Variants in MUC5AC observed in about 807,000 individuals in gnomAD.
The protein encoded by MUC5AC is mucin-5AC.
A neutral mutation model predicts 169.7 loss-of-function variants in MUC5AC; 158 were observed. The ratio of observed to expected loss-of-function variants is 0.93; its 90% confidence interval spans 0.82 to 1.06. The LOEUF (loss-of-function observed/expected upper bound fraction) is 1.06. MUC5AC is among the 50% of genes least tolerant of loss of function. The pLI, the probability that MUC5AC is intolerant of heterozygous loss-of-function variation, is 0.00. For missense variants in MUC5AC, 4,359 were observed against 3,089.9 expected (o/e 1.41, Z -9.74); for synonymous variants, 1,975 against 1,237.0 (o/e 1.60, Z -12.52).
chr11:1,190,318 C>T lies in MUC5AC; in HGVS notation c.12173C>T (p.Pro4058Leu). Residue 4058 changes from proline (P) to leucine (L), a missense_variant, in exon 31 of 49, where the codon CCC becomes CTC. Physicochemically the swap from Pro to Leu is moderately conservative, Grantham distance 98. Transcript: ENST00000621226. Reference sequence around the variant, plus strand: ...TGCTGCGAGACCCCCAAAGGCTGCCCCGTGACCTCCACACCTGTGACAGCT... The same window carrying T: ...TGCTGCGAGACCCCCAAAGGCTGCCTCGTGACCTCCACACCTGTGACAGCT... ...VLCCETPKGC[P>L]VTSTPVTAPS... The T allele has an allele frequency of 4.4e-6, 3 of 674,936 alleles. No homozygotes were observed. Among genetic ancestry groups the T allele is most frequent in the East Asian group, 2.6e-5 (1 of 38,572 alleles). 41.8% of individuals were successfully genotyped at this position (674,936 alleles called of 1,614,324 possible).
At chr11:1,175,485 ACATGCTCACACACCCACTCATG>A (rs1860647051) in intron 19 of MUC5AC, among the ~76,000 whole-genome samples, 1 of 106,042 alleles carries the variant, frequency 9.4e-6, no homozygotes, top group African/African-American at 3.3e-5. Context: ...CCACTCATGC[ACATGCTCACACACCCACTCATG>A]CACACGCTGA....
rs1213870307 is a variant in MUC5AC at position 1,168,761 on chromosome 11, C to A, written c.1687C>A (p.Leu563Ile). The A allele has an allele frequency of 6.2e-7, 1 of 1,604,438 alleles. No homozygotes were observed. Reference sequence around the variant, plus strand: ...GCTGTTCATGCAGCTGGCGCCCAAGCTCCGTGGGCAGACCTGCGGTAAGAG... The same window carrying A: ...GCTGTTCATGCAGCTGGCGCCCAAGATCCGTGGGCAGACCTGCGGTAAGAG... ...MQLFMQLAPK[L>I]RGQTCGLCGN... The change falls in exon 14 of 49, where the codon CTC (leucine) becomes ATC (isoleucine). Residue 563 changes from leucine to isoleucine, a missense_variant. Transcript: ENST00000621226.
rs1168258167 is a variant in MUC5AC at position 1,191,222 on chromosome 11, C to A, written c.13077C>A (p.Thr4359=). The A allele has an allele frequency of 1.4e-6, 1 of 710,640 alleles. No individual in the cohort carries two copies. The highest frequency in any genetic ancestry group is 2.2e-5 in the African/African-American group (1 of 45,668). The allele number at this position is 710,640 out of a possible 1,614,324, so 44.0% of individuals were successfully genotyped here. The part of the protein sequence containing the change: ...PTTSTTSAPT[T]STTSASTAST... Reference sequence around the variant, plus strand: ...CCAGCACAACCTCTGCTCCTACAACCAGCACAACCTCTGCCTCTACAGCCA... The same window carrying A: ...CCAGCACAACCTCTGCTCCTACAACAAGCACAACCTCTGCCTCTACAGCCA... Residue 4359 remains threonine (T), a synonymous_variant, in exon 31 of 49, where the codon ACC becomes ACA. Transcript: ENST00000621226.
chr11:1,197,882 G>C (rs758289817), intron 41 of MUC5AC, 21 bp from the exon 42 acceptor site: 13 of 702,554 alleles, frequency 1.9e-5, no homozygotes, highest in South Asian at 1.8e-4. Context: ...ACTCCTAATT[G>C]CCTCACTCCC....
At chr11:1,195,811 C>A in intron 36 of MUC5AC, 65 bp from the exon 37 acceptor site, 1 of 728,196 alleles carries the variant, frequency 1.4e-6, no homozygotes, top group South Asian at 1.5e-5. Flanking sequence ...AGCCTGGGAG[C>A]CTGACGTGGA....
rs1860144797 is a variant in MUC5AC at position 1,161,709 on chromosome 11, G to GGAGC, written c.211+124_211+127dup. The GGAGC allele has an allele frequency of 6.9e-6, 9 of 1,295,430 alleles. 1 individual carries two copies. The Middle Eastern group carries it at 8.0e-4, about 115-fold the overall frequency. 80.2% of individuals were successfully genotyped at this position (1,295,430 alleles called of 1,614,324 possible). On this transcript the variant is annotated intron_variant, in intron 3 of 48. Transcript: ENST00000621226. ...TCCGGGTGAACACTGGGTGGGTATT[G>GGAGC]GAGCCAGAGGGCCCAGCATCTCCCT... is the stretch of plus-strand genomic sequence containing the variant.
Position 1,177,334 on chromosome 11 carries a change from T to G in MUC5AC, c.2897T>G (p.Ile966Ser). 2.2e-6 allele frequency: 1 copy of G among 454,608 alleles called. No homozygotes were observed. The allele number at this position is 454,608 out of a possible 1,614,324, so 28.2% of individuals were successfully genotyped here. Residue 966 changes from isoleucine (I) to serine (S), a missense_variant, in exon 23 of 49, where the codon ATT (isoleucine) becomes AGT (serine). By Grantham distance (142) the Ile-to-Ser change is moderately radical. Coordinates refer to ENST00000621226, the MANE Select transcript of MUC5AC (RefSeq NM_001304359.2). ...ACCACCTGCTCCAAGGCCATCAAGA[T>G]TTTCCTGGGGGTGAGCGAGGCTGGG... is the stretch of plus-strand genomic sequence containing the variant. ...TGTTCSKAIKIFLGGFELKLS... is the reference protein window; with the variant it reads ...TGTTCSKAIKSFLGGFELKLS...
Position 1,192,787 on chromosome 11 carries a change from C to T in MUC5AC, c.14385C>T (p.Ser4795=), listed in dbSNP as rs1861157369. Residue 4795 remains serine (S), a synonymous_variant, in exon 32 of 49, where the codon TCC becomes TCT. Coordinates refer to ENST00000621226, the MANE Select transcript of MUC5AC (RefSeq NM_001304359.2). ...NVADRLYPAG[S]TIYRHRDLAG... ...CCATGTCCCTTCCTCTTACAGGATC[C>T]ACCATATACCGCCACAGAGACCTCG... 1.3e-6 allele frequency: 1 copy of T among 755,962 alleles called. No individual in the cohort carries two copies. The highest frequency in any genetic ancestry group is 2.4e-5 in the East Asian group (1 of 40,962). The allele number at this position is 755,962 out of a possible 1,614,324, so 46.8% of individuals were successfully genotyped here. A position where few individuals can be genotyped will look rare whatever the true frequency, so the allele number is the denominator to read the frequency against.
chr11:1,186,599 C>T lies in MUC5AC; in HGVS notation c.8454C>T (p.Thr2818=). The change falls in exon 31 of 49, where the codon ACC becomes ACT. Residue 2818 remains threonine, a synonymous_variant. Coordinates refer to ENST00000621226, the MANE Select transcript of MUC5AC (RefSeq NM_001304359.2). The part of the protein sequence containing the change: ...PISSTTSTPQ[T]STTSAPTTST... ...GCAGCACAACTTCCACACCACAGAC[C>T]AGCACAACTTCGGCTCCTACAACCA... is the stretch of plus-strand genomic sequence containing the variant. The T allele has an allele frequency of 1.4e-6, 1 of 712,582 alleles. No individual in the cohort carries two copies. The highest frequency in any genetic ancestry group is 2.6e-6 in the Non-Finnish European group (1 of 390,766). 44.1% of individuals were successfully genotyped at this position (712,582 alleles called of 1,614,324 possible).
At chr11:1,178,876 G>A (rs1056285930) in intron 25 of MUC5AC, among the ~76,000 whole-genome samples, 193 bp downstream of exon 25, 20 of 152,166 alleles carry the variant, frequency 1.3e-4, no homozygotes, top group African/African-American at 3.4e-4. Flanking sequence ...CTATGGTTTC[G>A]GGGCCCTGGG....
rs1861023323 is a variant in MUC5AC at position 1,189,229 on chromosome 11, G to A, written c.11084G>A (p.Ser3695Asn). 3.4e-6 allele frequency: 2 copies of A among 594,128 alleles called. No homozygotes were observed. Among genetic ancestry groups the A allele is most frequent in the Admixed American group, 2.9e-5 (1 of 34,326 alleles). 36.8% of individuals were successfully genotyped at this position (594,128 alleles called of 1,614,324 possible). ...IPSTTSAPTTSTTSAPTTSTT... is the reference protein window; with the variant it reads ...IPSTTSAPTTNTTSAPTTSTT... ...AGCACAACCTCTGCCCCAACAACCA[G>A]CACAACCTCTGCTCCCACAACGAGC... Residue 3695 changes from serine to asparagine, a missense_variant, in exon 31 of 49, where the codon AGC becomes AAC. Transcript: ENST00000621226.
Position 1,186,682 on chromosome 11 carries a change from C to T in MUC5AC, c.8537C>T (p.Ser2846Phe), listed in dbSNP as rs1860955109. ...CCTGTTCCCACCACCAGCACAACCTCTGCCCCTACAACCAGCACAACCTCT... is the reference window on the plus strand; with the variant it reads ...CCTGTTCCCACCACCAGCACAACCTTTGCCCCTACAACCAGCACAACCTCT... ...SSPVPTTSTT[S>F]APTTSTTSAP... is the part of the protein sequence containing the mutation. The change falls in exon 31 of 49, where the codon TCT becomes TTT. Residue 2846 changes from serine to phenylalanine, a missense_variant. By Grantham distance (155) the Ser-to-Phe change is radical. Transcript: ENST00000621226. 1.3e-6 allele frequency: 1 copy of T among 740,900 alleles called. No homozygotes were observed. 45.9% of individuals were successfully genotyped at this position (740,900 alleles called of 1,614,324 possible).
Position 1,193,546 on chromosome 11 carries a change from T to A in MUC5AC, c.14642T>A (p.Ile4881Asn). The change falls in exon 33 of 49, where the codon ATC (isoleucine) becomes AAC (asparagine). Residue 4881 changes from isoleucine to asparagine, a missense_variant. Ile to Asn is a moderately radical substitution (Grantham distance 149, BLOSUM62 -3). Transcript: ENST00000621226. The stretch of plus-strand genomic sequence containing the variant: ...GCCACCTGTGAGGGCAACAACGTCA[T>A]CTCCCTGCGCCCGCGCACGTGCCCG... ...SEATCEGNNV[I>N]SLRPRTCPRV... 1 of 763,020 alleles carries A rather than the reference T, an allele frequency of 1.3e-6. No individual in the cohort carries two copies. Among genetic ancestry groups the A allele is most frequent in the Non-Finnish European group, 2.4e-6 (1 of 417,028 alleles). The allele number at this position is 763,020 out of a possible 1,614,324, so 47.3% of individuals were successfully genotyped here. A position where few individuals can be genotyped will look rare whatever the true frequency, so the allele number is the denominator to read the frequency against.
Position 1,185,354 on chromosome 11 carries a change from C to G in MUC5AC, c.7209C>G (p.Ser2403Arg). 1.4e-6 allele frequency: 1 copy of G among 720,492 alleles called. No individual in the cohort carries two copies. Among genetic ancestry groups the G allele is most frequent in the Admixed American group, 1.9e-5 (1 of 52,640 alleles). 44.6% of individuals were successfully genotyped at this position (720,492 alleles called of 1,614,324 possible). A position where few individuals can be genotyped will look rare whatever the true frequency, so the allele number is the denominator to read the frequency against. ...CTCCCAGCCCTGTTCCTACCACCAG[C>G]ACAACCTCTGCCACTACAACCAGCA... Reference protein sequence around the residue: ...ETTPSPVPTTSTTSATTTSTT... With the variant: ...ETTPSPVPTTRTTSATTTSTT... The change falls in exon 31 of 49, where the codon AGC becomes AGG. Residue 2403 changes from serine to arginine, a missense_variant. Transcript: ENST00000621226.
In MUC5AC at chr11:1,200,540, C is replaced by G. The variant is rs989726007; in HGVS notation, c.16803C>G (p.Ser5601Arg). ...NVTLHCTDGS[S>R]RAFSYTEVEE... ...CCCTGCACTGCACCGACGGCTCCAGCCGGGCCTTCAGCTACACCGAGGTGG... is the reference window on the plus strand; with the variant it reads ...CCCTGCACTGCACCGACGGCTCCAGGCGGGCCTTCAGCTACACCGAGGTGG... Residue 5601 changes from serine (S) to arginine (R), a missense_variant, in exon 49 of 49, where the codon AGC (serine) becomes AGG (arginine). Transcript: ENST00000621226. 5.2e-6 allele frequency: 4 copies of G among 763,502 alleles called. No individual in the cohort carries two copies. The highest frequency in any genetic ancestry group is 2.2e-4 in the Middle Eastern group (1 of 4,454). 47.3% of individuals were successfully genotyped at this position (763,502 alleles called of 1,614,324 possible).
chr11:1,186,322 C>A lies in MUC5AC; in HGVS notation c.8177C>A (p.Ser2726Ter). 1 of 721,196 alleles carries A rather than the reference C, an allele frequency of 1.4e-6. No homozygotes were observed. Among genetic ancestry groups the A allele is most frequent in the Non-Finnish European group, 2.5e-6 (1 of 395,966 alleles). The allele number at this position is 721,196 out of a possible 1,614,324, so 44.7% of individuals were successfully genotyped here. A position where few individuals can be genotyped will look rare whatever the true frequency, so the allele number is the denominator to read the frequency against. The change falls in exon 31 of 49, where the codon TCG (serine) becomes TAG (stop). Residue 2726 changes from serine (S) to a stop codon, truncating the protein, a stop_gained. Transcript: ENST00000621226. LOFTEE classifies it high-confidence loss of function. ...TCTGCCCCTACAACCAGCACAATCT[C>A]GGCCCCAACAACCAGCACAACCTCT... ...TTSAPTTSTI[S>*]APTTSTTSAT...
intron 37 of MUC5AC, 105 bp downstream of exon 37, chr11:1,196,159 G>A: frequency 3.2e-6 from 2 of 627,762 alleles, no homozygotes; most frequent in East Asian, 2.7e-5. Context: ...GGGACCTGGA[G>A]GAGGAGGGGG....
chr11:1,175,392 G>C (rs1489637025), intron 19 of MUC5AC, 122 bp downstream of exon 19: 3 of 397,760 alleles, frequency 7.5e-6, no homozygotes, highest in Non-Finnish European at 1.3e-5. Flanking sequence ...TCCATCAGCT[G>C]CTCAGTGTCA....
Position 1,199,097 on chromosome 11 carries a change from A to T in MUC5AC, c.16307A>T (p.Tyr5436Phe). The change falls in exon 45 of 49, where the codon TAC becomes TTC. Residue 5436 changes from tyrosine to phenylalanine, a missense_variant. Transcript: ENST00000621226. The part of the protein sequence containing the change: ...CNTHCPVGFE[Y>F]QEQSGQCCGT... Reference sequence around the variant, plus strand: ...CCATCCCTCCCGCAGGGCTTCGAGTACCAGGAGCAGAGCGGGCAGTGCTGT... The same window carrying T: ...CCATCCCTCCCGCAGGGCTTCGAGTTCCAGGAGCAGAGCGGGCAGTGCTGT... 1.3e-6 allele frequency: 1 copy of T among 764,654 alleles called. No homozygotes were observed. The highest frequency in any genetic ancestry group is 2.4e-6 in the Non-Finnish European group (1 of 417,710). 47.4% of individuals were successfully genotyped at this position (764,654 alleles called of 1,614,324 possible). A position where few individuals can be genotyped will look rare whatever the true frequency, so the allele number is the denominator to read the frequency against.
Sources: gnomAD v4.1 joint callset for allele counts (sites outside exome capture counted in the v4.1 genomes callset) on GRCh38, gnomAD v4.1.1 for gene constraint, MANE v1.5 for transcripts, NCBI Gene and HGNC (gene_info 2026-07-23, HGNC 2026-07-21) for gene names.